The following DIP2C variants were observed in gnomAD, a reference collection of about 807,000 sequenced individuals.
DIP2C encodes the protein disco-interacting protein 2 homolog C.
DIP2C carries 33 observed loss-of-function variants against 192.4 expected under a neutral mutation model. That is an observed-to-expected ratio of 0.17 (90% CI 0.13 to 0.23). DIP2C has a LOEUF of 0.23. Among genes scored for constraint, DIP2C ranks in the 10% least tolerant of loss-of-function variants. The pLI, the probability that DIP2C is intolerant of heterozygous loss-of-function variation, is 1.00. For synonymous variants in DIP2C, 979 were observed against 864.1 expected, an observed-to-expected ratio of 1.13 and a Z score of -2.33; for missense variants, 1,537 against 2,110.1, an observed-to-expected ratio of 0.73 and a Z score of 5.32.
intron 1 of DIP2C, among the ~76,000 whole-genome samples, chr10:573,938 C>T (rs1241003416): frequency 1.3e-5 from 2 of 152,196 alleles, no homozygotes; most frequent in South Asian, 2.1e-4. Context: ...CAGACTAGAG[C>T]GTGACAGGAC....
intron 1 of DIP2C, among the ~76,000 whole-genome samples, chr10:592,374 T>G (rs149864847): frequency 9.9e-5 from 15 of 152,156 alleles, no homozygotes; most frequent in African/African-American, 3.6e-4. Flanking sequence ...CTGAAAAAAA[T>G]GAAGGCTGAA....
chr10:493,027 C>T (rs757062877), intron 1 of DIP2C, among the ~76,000 whole-genome samples: 4 of 152,220 alleles, frequency 2.6e-5, no homozygotes, highest in East Asian at 1.9e-4. Flanking sequence ...CAGTGTGCCG[C>T]GCGGAGCAGA....
chr10:427,355 A>G (rs541956476), intron 4 of DIP2C, among the ~76,000 whole-genome samples: 1 of 152,314 alleles, frequency 6.6e-6, no homozygotes, highest in Admixed American at 6.5e-5. Context: ...CCATATCAAG[A>G]TCTCTATATT....
chr10:624,241 G>A (rs1471899444), intron 1 of DIP2C, among the ~76,000 whole-genome samples: 5 of 152,226 alleles, frequency 3.3e-5, no homozygotes, highest in Non-Finnish European at 7.3e-5. Flanking sequence ...AAGCTTTGCT[G>A]TCACCTCTGT....
In DIP2C at chr10:447,312, C is replaced by T. The variant is rs1249645721; in HGVS notation, c.269-6316G>A. Among the ~76,000 whole-genome samples the T allele has an allele frequency of 4.0e-5, 6 of 149,322 alleles. No homozygotes were observed. The East Asian group carries it at 1.2e-3, about 30-fold the overall frequency. The stretch of plus-strand genomic sequence containing the variant: ...TCACACACAGTGGGGCAGCAGGACC[C>T]ACTCACCCCTGTCGATATTCAGGAT... On this transcript the variant is annotated intron_variant, in intron 3 of 36. Transcript: ENST00000280886.
intron 1 of DIP2C, among the ~76,000 whole-genome samples, chr10:585,900 G>A (rs1850994628): frequency 6.6e-6 from 1 of 152,152 alleles, no homozygotes; most frequent in Non-Finnish European, 1.5e-5. Context: ...ATATTAGAGG[G>A]TTAAGGGGGG....
intron 2 of DIP2C, among the ~76,000 whole-genome samples, chr10:481,297 T>C (rs2133518809): frequency 6.6e-6 from 1 of 152,346 alleles, no homozygotes; most frequent in South Asian, 2.1e-4. Flanking sequence ...TCATTCCGTA[T>C]GTAACCAAAG....
intron 1 of DIP2C, among the ~76,000 whole-genome samples, chr10:552,759 G>T (rs1848650467): frequency 1.3e-5 from 2 of 152,240 alleles, no homozygotes; most frequent in African/African-American, 4.8e-5. Flanking sequence ...TGAGGCAGGA[G>T]AACAGTGTGA....
At chr10:499,394 C>G (rs761019111) in intron 1 of DIP2C, among the ~76,000 whole-genome samples, 2 of 152,206 alleles carry the variant, frequency 1.3e-5, no homozygotes, top group Non-Finnish European at 2.9e-5. Context: ...CCAAGACTCT[C>G]TAATTTATAA....
chr10:619,462 T>C (rs1308261250), intron 1 of DIP2C, among the ~76,000 whole-genome samples: 1 of 146,134 alleles, frequency 6.8e-6, no homozygotes, highest in Non-Finnish European at 1.5e-5. Context: ...ACGGCAGCCC[T>C]GGCGGCTCCT....
intron 1 of DIP2C, chr10:669,148 T>C (rs1857294436): frequency 6.6e-6 from 1 of 152,090 alleles, no homozygotes; most frequent in Non-Finnish European, 1.5e-5. Context: ...TTTCCACAAA[T>C]AGTTCACACA....
chr10:538,758 A>G (rs1294776919), intron 1 of DIP2C, among the ~76,000 whole-genome samples: 1 of 152,260 alleles, frequency 6.6e-6, no homozygotes. Context: ...CTTTTTAACA[A>G]AAGATAACTG....
intron 1 of DIP2C, among the ~76,000 whole-genome samples, chr10:647,678 G>A (rs1194869861): frequency 6.6e-6 from 1 of 150,530 alleles, no homozygotes; most frequent in Non-Finnish European, 1.5e-5. Flanking sequence ...GATGGTGGGA[G>A]AGAACAGAGG....
intron 8 of DIP2C, among the ~76,000 whole-genome samples, chr10:410,390 C>G (rs923858582): frequency 3.3e-5 from 5 of 152,210 alleles, no homozygotes; most frequent in African/African-American, 1.2e-4. Context: ...GTTCCCTCCT[C>G]CTGTCTTCCT....
chr10:396,168 C>G (rs1032662373), intron 10 of DIP2C, among the ~76,000 whole-genome samples: 5 of 152,228 alleles, frequency 3.3e-5, no homozygotes, highest in Non-Finnish European at 7.3e-5. Context: ...GTTTATGTCT[C>G]TACTACCATT....
intron 4 of DIP2C, chr10:430,462 T>C (rs943839110): frequency 6.6e-6 from 1 of 152,244 alleles, no homozygotes; most frequent in Non-Finnish European, 1.5e-5. Context: ...CGCCTTAGCC[T>C]CCTGAGTAGC....
intron 10 of DIP2C, among the ~76,000 whole-genome samples, chr10:396,872 C>T (rs1054248454): frequency 6.6e-6 from 1 of 151,162 alleles, no homozygotes; most frequent in Non-Finnish European, 1.5e-5. Context: ...GGGAAACTGG[C>T]ATTCTCCCAT....
intron 7 of DIP2C, among the ~76,000 whole-genome samples, chr10:414,740 TACA>T (rs1564679649): frequency 0.12 from 5,376 of 44,550 alleles, 523 homozygotes; most frequent in African/African-American, 0.25. Context: ...TGTGTGTGTG[TACA>T]TATATATATA....
intron 19 of DIP2C, chr10:365,167 G>C (rs763931189): frequency 2.6e-6 from 1 of 386,244 alleles, no homozygotes; most frequent in Non-Finnish European, 5.2e-6. Flanking sequence ...GGATATTTTA[G>C]AAAGTTGAAT....
Sources: gnomAD v4.1 joint callset for allele counts (sites outside exome capture counted in the v4.1 genomes callset) on GRCh38, gnomAD v4.1.1 for gene constraint, MANE v1.5 for transcripts, NCBI Gene and HGNC (gene_info 2026-07-23, HGNC 2026-07-21) for gene names.